OR4D6: variants seen among roughly 807,000 people sequenced by gnomAD.
The protein encoded by OR4D6 is olfactory receptor 4D6.
In OR4D6, 9 loss-of-function variants were observed where a neutral mutation model predicts 10.9. The ratio of observed to expected loss-of-function variants is 0.82; its 90% CI spans 0.50 to 1.44. The LOEUF is 1.44. OR4D6 is among the 40% of genes most tolerant of loss of function. The pLI is 0.00. For missense variants in OR4D6, 370 were observed against 384.4 expected (o/e 0.96, Z 0.31); for synonymous variants, 167 against 154.4 (o/e 1.08, Z -0.60).
At position 59,457,138 on chromosome 11, in the gene OR4D6, T is replaced by C; in HGVS notation, c.178T>C (p.Tyr60His). 1 of 1,614,160 alleles carries C rather than the reference T, an allele frequency of 6.2e-7. No individual in the cohort carries two copies. Among genetic ancestry groups the C allele is most frequent in the Non-Finnish European group, 8.5e-7 (1 of 1,180,008 alleles). Residue 60 changes from tyrosine (Y) to histidine (H), a missense_variant, in exon 1 of 1, where the codon TAC (tyrosine) becomes CAC (histidine). By Grantham distance (83) the Tyr-to-His change is moderately conservative. Coordinates refer to ENST00000300127, the MANE Select transcript of OR4D6 (RefSeq NM_001004708.1). ...TCESRLHTPM[Y>H]FLLRNKSVLD... ...TGAGTCCCGCCTACACACTCCTATG[T>C]ACTTTCTCCTGCGGAACAAATCAGT...
Position 59,457,558 on chromosome 11 carries a change from A to G in OR4D6, c.598A>G (p.Ile200Val). The G allele has an allele frequency of 1.2e-6, 2 of 1,613,928 alleles. No individual in the cohort carries two copies. Among genetic ancestry groups the G allele is most frequent in the Non-Finnish European group, 1.7e-6 (2 of 1,179,998 alleles). Reference protein sequence around the residue: ...TDTFALELFMISNNGLVTLLW... With the variant: ...TDTFALELFMVSNNGLVTLLW... Reference sequence around the variant, plus strand: ...CACCTTTGCTTTGGAGCTTTTCATGATCTCTAACAACGGACTGGTGACCCT... The same window carrying G: ...CACCTTTGCTTTGGAGCTTTTCATGGTCTCTAACAACGGACTGGTGACCCT... The change falls in exon 1 of 1, where the codon ATC (isoleucine) becomes GTC (valine). Residue 200 changes from isoleucine to valine, a missense_variant. By Grantham distance (29) the Ile-to-Val change is conservative. Transcript: ENST00000300127.
At position 59,457,287 on chromosome 11, in the gene OR4D6, G is replaced by A. The variant is rs200659057; in HGVS notation, c.327G>A (p.Gly109=). ...AQIFFFHFAG[G]ADIFFLSVMA... ...TCTTTTTCTTCCACTTTGCTGGTGGGGCAGATATTTTTTTCCTCTCTGTGA... is the reference window on the plus strand; with the variant it reads ...TCTTTTTCTTCCACTTTGCTGGTGGAGCAGATATTTTTTTCCTCTCTGTGA... Residue 109 remains glycine (G), a synonymous_variant, in exon 1 of 1, where the codon GGG becomes GGA. Coordinates refer to ENST00000300127, the MANE Select transcript of OR4D6 (RefSeq NM_001004708.1). The A allele has an allele frequency of 5.6e-6, 9 of 1,613,692 alleles. No homozygotes were observed. The highest frequency in any genetic ancestry group is 1.7e-4 in the Middle Eastern group (1 of 6,058).
Position 59,457,329 on chromosome 11 carries a change from C to A in OR4D6, c.369C>A (p.Tyr123Ter), listed in dbSNP as rs1436744607. 3 of 1,612,738 alleles carry A rather than the reference C, an allele frequency of 1.9e-6. No individual in the cohort carries two copies. Among genetic ancestry groups the A allele is most frequent in the Non-Finnish European group, 8.5e-7 (1 of 1,179,358 alleles). The change falls in exon 1 of 1, where the codon TAC becomes TAA. Residue 123 changes from tyrosine to a stop codon, truncating the protein, a stop_gained. Transcript: ENST00000300127. LOFTEE classifies it high-confidence loss of function. ...TCTCTGTGATGGCCTATGACAGATA[C>A]CTTGCAATCGCCAAGCCCCTGCACT... is the stretch of plus-strand genomic sequence containing the variant. Reference protein sequence around the residue: ...FFLSVMAYDRYLAIAKPLHYV... With the variant: ...FFLSVMAYDR
Position 59,457,898 on chromosome 11 carries a change from G to A in OR4D6, c.938G>A (p.Trp313Ter), listed in dbSNP as rs1565078797. ...CTTGGGCCTTCCGAGAGCAGAAAAT[G>A]GGGGTGAGCAGTCAGATGGAGAGTG... is the stretch of plus-strand genomic sequence containing the variant. Reference protein sequence around the residue: ...RRLGPSESRKWG With the variant: ...RRLGPSESRK The change falls in exon 1 of 1, where the codon TGG becomes TAG. Residue 313 changes from tryptophan to a stop codon, truncating the protein, a stop_gained. Coordinates refer to ENST00000300127, the MANE Select transcript of OR4D6 (RefSeq NM_001004708.1). LOFTEE classifies it high-confidence loss of function. 2 of 1,592,654 alleles carry A rather than the reference G, an allele frequency of 1.3e-6. No homozygotes were observed. Among genetic ancestry groups the A allele is most frequent in the Non-Finnish European group, 1.7e-6 (2 of 1,165,702 alleles).
At position 59,457,839 on chromosome 11, in the gene OR4D6, G is replaced by C; in HGVS notation, c.879G>C (p.Glu293Asp). Residue 293 changes from glutamate to aspartate, a missense_variant, in exon 1 of 1, where the codon GAG becomes GAC. Transcript: ENST00000300127. ...NPIIYSLRNQ[E>D]MKSAMQRLQR... ...TCATCTATTCCCTGAGAAATCAAGA[G>C]ATGAAGTCAGCCATGCAGAGGCTGC... The C allele has an allele frequency of 6.2e-7, 1 of 1,614,088 alleles. No individual in the cohort carries two copies. The highest frequency in any genetic ancestry group is 8.5e-7 in the Non-Finnish European group (1 of 1,179,986).
At position 59,457,454 on chromosome 11, in the gene OR4D6, C is replaced by T; in HGVS notation, c.494C>T (p.Pro165Leu). Residue 165 changes from proline to leucine, a missense_variant, in exon 1 of 1, where the codon CCA becomes CTA. Transcript: ENST00000300127. ...ATCATCCAGGTAATTCTGATGCTTC[C>T]ATTCCCCTTCTGTGGCCCCAACACA... The part of the protein sequence containing the change: ...HSIIQVILML[P>L]FPFCGPNTLD... 1 of 1,614,126 alleles carries T rather than the reference C, an allele frequency of 6.2e-7. No individual in the cohort carries two copies. The highest frequency in any genetic ancestry group is 8.5e-7 in the Non-Finnish European group (1 of 1,180,014).
chr11:59,457,787 CG>C lies in OR4D6; in HGVS notation c.829del (p.Val277SerfsTer6). On this transcript the variant is annotated frameshift_variant, in exon 1 of 1. Coordinates refer to ENST00000300127, the MANE Select transcript of OR4D6 (RefSeq NM_001004708.1). LOFTEE classifies it high-confidence loss of function. ...PMDTTISINN[T>X]VITPMLNPII... ...GACACAACCATATCCATTAATAACA[CG>C]GTCATTACCCCCATGCTGAACCCCA... is the stretch of plus-strand genomic sequence containing the variant. 1 of 1,613,272 alleles carries C rather than the reference CG, an allele frequency of 6.2e-7. No homozygotes were observed. The highest frequency in any genetic ancestry group is 8.5e-7 in the Non-Finnish European group (1 of 1,179,216).
chr11:59,457,710 C>T lies in OR4D6; in HGVS notation c.750C>T (p.His250=), dbSNP rs769670188. 3 of 1,614,070 alleles carry T rather than the reference C, an allele frequency of 1.9e-6. No individual in the cohort carries two copies. Residue 250 remains histidine (H), a synonymous_variant, in exon 1 of 1, where the codon CAC becomes CAT. Transcript: ENST00000300127. The part of the protein sequence containing the change: ...CTSHMLVVTL[H]FVPCVYIYCR... Reference sequence around the variant, plus strand: ...CCCACATGCTGGTGGTGACTCTTCACTTCGTGCCTTGTGTTTACATCTACT... The same window carrying T: ...CCCACATGCTGGTGGTGACTCTTCATTTCGTGCCTTGTGTTTACATCTACT...
At position 59,457,450 on chromosome 11, in the gene OR4D6, C is replaced by A. The variant is rs144170711; in HGVS notation, c.490C>A (p.Leu164Ile). Residue 164 changes from leucine (L) to isoleucine (I), a missense_variant, in exon 1 of 1, where the codon CTT becomes ATT. Coordinates refer to ENST00000300127, the MANE Select transcript of OR4D6 (RefSeq NM_001004708.1). ...LHSIIQVILM[L>I]PFPFCGPNTL... is the part of the protein sequence containing the mutation. ...TTCAATCATCCAGGTAATTCTGATG[C>A]TTCCATTCCCCTTCTGTGGCCCCAA... The A allele has an allele frequency of 1.2e-6, 2 of 1,614,034 alleles. No individual in the cohort carries two copies. The highest frequency in any genetic ancestry group is 2.7e-5 in the African/African-American group (2 of 74,906).
Position 59,457,480 on chromosome 11 carries a change from C to G in OR4D6, c.520C>G (p.Leu174Val), listed in dbSNP as rs1388505758. ...LPFPFCGPNTLDAFYCYVLQV... is the reference protein window; with the variant it reads ...LPFPFCGPNTVDAFYCYVLQV... Reference sequence around the variant, plus strand: ...ATTCCCCTTCTGTGGCCCCAACACACTGGATGCCTTCTACTGTTATGTGCT... The same window carrying G: ...ATTCCCCTTCTGTGGCCCCAACACAGTGGATGCCTTCTACTGTTATGTGCT... Residue 174 changes from leucine to valine, a missense_variant, in exon 1 of 1, where the codon CTG becomes GTG. By Grantham distance (32) the Leu-to-Val change is conservative. Coordinates refer to ENST00000300127, the MANE Select transcript of OR4D6 (RefSeq NM_001004708.1). 2.5e-6 allele frequency: 4 copies of G among 1,614,050 alleles called. No homozygotes were observed. The African/African-American group carries it at 5.3e-5, about 22-fold the overall frequency.
rs761377110 is a variant in OR4D6 at position 59,457,121 on chromosome 11, G to A, written c.161G>A (p.Arg54His). The A allele has an allele frequency of 1.1e-5, 18 of 1,613,848 alleles. No individual in the cohort carries two copies. The highest frequency in any genetic ancestry group is 5.3e-5 in the African/African-American group (4 of 74,862). Residue 54 changes from arginine (R) to histidine (H), a missense_variant, in exon 1 of 1, where the codon CGC becomes CAC. Physicochemically the swap from Arg to His is conservative, Grantham distance 29. Transcript: ENST00000300127. ...LIVVTITCES[R>H]LHTPMYFLLR... ...GTGGTCACTATTACCTGTGAGTCCC[G>A]CCTACACACTCCTATGTACTTTCTC... is the stretch of plus-strand genomic sequence containing the variant.
rs183692233 is a variant in OR4D6 at position 59,457,658 on chromosome 11, G to T, written c.698G>T (p.Arg233Leu). The T allele has an allele frequency of 1.4e-4, 231 of 1,602,226 alleles. 2 individuals carry two copies. In the Middle Eastern group the frequency reaches 2.5e-3, roughly 17 times the overall value. Residue 233 changes from arginine (R) to leucine (L), a missense_variant, in exon 1 of 1, where the codon CGG (arginine) becomes CTG (leucine). Physicochemically the swap from Arg to Leu is moderately radical, Grantham distance 102. Transcript: ENST00000300127. ...CTGAGATCCCACTCTGGGGAGGGGC[G>T]GAACAAGGCCCTCTCCACGTGCACG... ...VMLRSHSGEG[R>L]NKALSTCTSH...
At position 59,457,833 on chromosome 11, in the gene OR4D6, T is replaced by G. The variant is rs146329518; in HGVS notation, c.873T>G (p.Asn291Lys). The G allele has an allele frequency of 1.2e-6, 2 of 1,614,044 alleles. No individual in the cohort carries two copies. Among genetic ancestry groups the G allele is most frequent in the Non-Finnish European group, 1.7e-6 (2 of 1,179,972 alleles). ...MLNPIIYSLRNQEMKSAMQRL... is the reference protein window; with the variant it reads ...MLNPIIYSLRKQEMKSAMQRL... ...ACCCCATCATCTATTCCCTGAGAAA[T>G]CAAGAGATGAAGTCAGCCATGCAGA... The change falls in exon 1 of 1, where the codon AAT becomes AAG. Residue 291 changes from asparagine (N) to lysine (K), a missense_variant. Transcript: ENST00000300127.
Position 59,457,493 on chromosome 11 carries a change from A to G in OR4D6, c.533A>G (p.Tyr178Cys). The change falls in exon 1 of 1, where the codon TAC becomes TGC. Residue 178 changes from tyrosine (Y) to cysteine (C), a missense_variant. Physicochemically the swap from Tyr to Cys is radical, Grantham distance 194. Coordinates refer to ENST00000300127, the MANE Select transcript of OR4D6 (RefSeq NM_001004708.1). ...FCGPNTLDAFYCYVLQVVKLA... is the reference protein window; with the variant it reads ...FCGPNTLDAFCCYVLQVVKLA... ...GGCCCCAACACACTGGATGCCTTCT[A>G]CTGTTATGTGCTCCAGGTGGTAAAA... 2 of 1,614,080 alleles carry G rather than the reference A, an allele frequency of 1.2e-6. No homozygotes were observed. Among genetic ancestry groups the G allele is most frequent in the Non-Finnish European group, 8.5e-7 (1 of 1,180,022 alleles).
At position 59,457,393 on chromosome 11, in the gene OR4D6, G is replaced by A; in HGVS notation, c.433G>A (p.Val145Met). The A allele has an allele frequency of 6.2e-7, 1 of 1,614,102 alleles. No homozygotes were observed. The highest frequency in any genetic ancestry group is 1.7e-5 in the Admixed American group (1 of 60,012). ...GAGGAAAGAGGTGTGGGTGGCCTTG[G>A]TGGTGGCTTCTTGGGTGAGTGGTGG... is the stretch of plus-strand genomic sequence containing the variant. ...MMRKEVWVAL[V>M]VASWVSGGLH... The change falls in exon 1 of 1, where the codon GTG becomes ATG. Residue 145 changes from valine to methionine, a missense_variant. Val to Met is a conservative substitution (Grantham distance 21). Transcript: ENST00000300127.
rs564736831 is a variant in OR4D6 at position 59,457,345 on chromosome 11, C to A, written c.385C>A (p.Pro129Thr). 1.9e-6 allele frequency: 3 copies of A among 1,613,118 alleles called. No individual in the cohort carries two copies. The highest frequency in any genetic ancestry group is 2.7e-5 in the African/African-American group (2 of 75,004). ...TGACAGATACCTTGCAATCGCCAAG[C>A]CCCTGCACTATGTGACCATGATGAG... The part of the protein sequence containing the change: ...AYDRYLAIAK[P>T]LHYVTMMRKE... The change falls in exon 1 of 1, where the codon CCC becomes ACC. Residue 129 changes from proline to threonine, a missense_variant. Physicochemically the swap from Pro to Thr is conservative, Grantham distance 38 (BLOSUM62 -1). Transcript: ENST00000300127.
rs747763222 is a variant in OR4D6 at position 59,457,261 on chromosome 11, A to C, written c.301A>C (p.Ile101Leu). The change falls in exon 1 of 1, where the codon ATC becomes CTC. Residue 101 changes from isoleucine to leucine, a missense_variant. Coordinates refer to ENST00000300127, the MANE Select transcript of OR4D6 (RefSeq NM_001004708.1). ...CTCCTACAATGACTGCATGGCACAG[A>C]TCTTTTTCTTCCACTTTGCTGGTGG... ...TISYNDCMAQIFFFHFAGGAD... is the reference protein window; with the variant it reads ...TISYNDCMAQLFFFHFAGGAD... 2.5e-6 allele frequency: 4 copies of C among 1,613,796 alleles called. No homozygotes were observed. In the South Asian group the frequency reaches 3.3e-5, roughly 13 times the overall value.
At position 59,457,862 on chromosome 11, in the gene OR4D6, T is replaced by C; in HGVS notation, c.902T>C (p.Leu301Pro). The part of the protein sequence containing the change: ...NQEMKSAMQR[L>P]QRRLGPSESR... ...GAGATGAAGTCAGCCATGCAGAGGC[T>C]GCAGAGGAGACTTGGGCCTTCCGAG... is the stretch of plus-strand genomic sequence containing the variant. Residue 301 changes from leucine (L) to proline (P), a missense_variant, in exon 1 of 1, where the codon CTG becomes CCG. By Grantham distance (98) the Leu-to-Pro change is moderately conservative. Transcript: ENST00000300127. 1 of 1,612,878 alleles carries C rather than the reference T, an allele frequency of 6.2e-7. No individual in the cohort carries two copies. The highest frequency in any genetic ancestry group is 8.5e-7 in the Non-Finnish European group (1 of 1,179,076).
Position 59,457,060 on chromosome 11 carries a change from G to A in OR4D6, c.100G>A (p.Val34Met), listed in dbSNP as rs766873137. 3.7e-6 allele frequency: 6 copies of A among 1,614,060 alleles called. No homozygotes were observed. Among genetic ancestry groups the A allele is most frequent in the African/African-American group, 1.3e-5 (1 of 75,024 alleles). The stretch of plus-strand genomic sequence containing the variant: ...TTTCTTGTTTGTGGTCTTCTTTGCT[G>A]TGTATGTAGCAACAGTCCTGGGAAA... ...EFFLFVVFFA[V>M]YVATVLGNAL... is the part of the protein sequence containing the mutation. Residue 34 changes from valine (V) to methionine (M), a missense_variant, in exon 1 of 1, where the codon GTG becomes ATG. Val to Met is a conservative substitution (Grantham distance 21). Transcript: ENST00000300127.
Sources: allele counts gnomAD v4.1 joint callset, GRCh38; gene constraint gnomAD v4.1.1; transcripts MANE v1.5; gene names NCBI Gene and HGNC (gene_info 2026-07-23, HGNC 2026-07-21).